ROBO2: variants seen among roughly 807,000 people sequenced by gnomAD.
The protein encoded by ROBO2 is roundabout guidance receptor 2, also known as roundabout homolog 2.
In ROBO2, 53 loss-of-function variants were observed where a neutral mutation model predicts 160.8. The observed-to-expected ratio is 0.33, with a 90% CI of 0.26 to 0.41. The LOEUF (loss-of-function observed/expected upper bound fraction) is 0.41. Ranked by LOEUF, ROBO2 falls within the 10% of genes least tolerant of loss-of-function variation. ROBO2 has a pLI of 1.00. For missense variants in ROBO2, 1,577 were observed against 1,722.4 expected (o/e 0.92, Z 1.49); for synonymous variants, 664 against 611.7 (o/e 1.09, Z -1.26).
intron 17 of ROBO2, 72 bp from the exon 19 acceptor site, chr3:77,595,070 G>A: frequency 8.2e-7 from 1 of 1,215,848 alleles, no homozygotes; most frequent in Non-Finnish European, 1.2e-6. Context: ...GGGCCAATAT[G>A]TAGTTGTTAT....
At chr3:77,329,072 C>G (rs2065730601) in intron 2 of ROBO2, among the ~76,000 whole-genome samples, 1 of 152,188 alleles carries the variant, frequency 6.6e-6, no homozygotes, top group Non-Finnish European at 1.5e-5. Context: ...TCCCTAAAAC[C>G]CACATGCTAA....
At chr3:76,444,870 A>G (rs926368132) in intron 2 of ROBO2, among the ~76,000 whole-genome samples, 5 of 152,150 alleles carry the variant, frequency 3.3e-5, no homozygotes, top group Admixed American at 3.3e-4. Context: ...TGTTATTAAA[A>G]ATTTTCCTAC....
chr3:76,751,739 G>A (rs1426814622), intron 2 of ROBO2, among the ~76,000 whole-genome samples: 4 of 152,134 alleles, frequency 2.6e-5, no homozygotes, highest in Admixed American at 6.6e-5. Flanking sequence ...AAACCACAAT[G>A]AGATACCATC....
intron 16 of ROBO2, among the ~76,000 whole-genome samples, chr3:77,584,945 TAC>T (rs1388088406): frequency 2.0e-5 from 3 of 148,950 alleles, no homozygotes; most frequent in African/African-American, 4.9e-5. Context: ...TATATATATA[TAC>T]ACACACACAT....
chr3:76,911,006 G>T, intron 2 of ROBO2, among the ~76,000 whole-genome samples: 1 of 152,100 alleles, frequency 6.6e-6, no homozygotes, highest in East Asian at 1.9e-4. Flanking sequence ...AATTTTAATA[G>T]TGTATGTGTT....
intron 2 of ROBO2, among the ~76,000 whole-genome samples, chr3:76,859,470 C>G (rs775089896): frequency 2.6e-5 from 4 of 152,156 alleles, no homozygotes; most frequent in Admixed American, 6.5e-5. Flanking sequence ...AATTGGCCCT[C>G]TGATGATTCT....
intron 2 of ROBO2, among the ~76,000 whole-genome samples, chr3:76,360,726 C>T (rs186515973): frequency 6.6e-6 from 1 of 152,022 alleles, no homozygotes; most frequent in African/African-American, 2.4e-5. Flanking sequence ...CGTTAGATGT[C>T]ATTCGGTGGG....
chr3:77,383,863 C>T (rs1443340982), intron 2 of ROBO2, among the ~76,000 whole-genome samples: 2 of 152,050 alleles, frequency 1.3e-5, no homozygotes, highest in Non-Finnish European at 2.9e-5. Flanking sequence ...CTTTAGTTTT[C>T]ATAAACTTGC....
At chr3:77,020,431 C>T (rs751427178) in intron 2 of ROBO2, among the ~76,000 whole-genome samples, 4 of 152,068 alleles carry the variant, frequency 2.6e-5, no homozygotes, top group African/African-American at 9.7e-5. Flanking sequence ...AATGTTCATG[C>T]TCTTTGAGTC....
chr3:76,797,230 T>C (rs1230215563), intron 2 of ROBO2, among the ~76,000 whole-genome samples: 1 of 152,088 alleles, frequency 6.6e-6, no homozygotes, highest in Admixed American at 6.6e-5. Context: ...CAGAAAAACA[T>C]GATATCATAT....
intron 2 of ROBO2, among the ~76,000 whole-genome samples, chr3:76,048,227 C>A (rs1040267154): frequency 6.6e-6 from 1 of 152,156 alleles, no homozygotes; most frequent in Non-Finnish European, 1.5e-5. Context: ...ATCTCTTAAC[C>A]TATATGCACA....
rs1560350241 is a variant in ROBO2, at chr3:77,252,834, ATATAT to A, written c.388+154495_388+154499del. Among the ~76,000 whole-genome samples the A allele has an allele frequency of 6.5e-3, 707 of 108,168 alleles. 16 individuals are homozygous for A. The highest frequency in any genetic ancestry group is 0.012 in the Non-Finnish European group (603 of 50,320). 71.0% of individuals were successfully genotyped at this position (108,168 alleles called of 152,430 possible). On this transcript the variant is annotated intron_variant, in intron 2 of 25. Coordinates refer to ENST00000461745, the Ensembl canonical transcript of ROBO2. ...AAAAAAAAAAAAAAAAAAAAAAAAT[ATATAT>A]ATATATATATATGAAAAATAAACAG...
chr3:77,330,129 A>T (rs778510598), intron 2 of ROBO2, among the ~76,000 whole-genome samples: 2 of 152,120 alleles, frequency 1.3e-5, no homozygotes, highest in Non-Finnish European at 2.9e-5. Context: ...ATTTGTCCTG[A>T]TTTGGTGTCC....
intron 2 of ROBO2, among the ~76,000 whole-genome samples, chr3:77,439,699 A>G (rs533843008): frequency 9.2e-5 from 14 of 152,258 alleles, no homozygotes; most frequent in African/African-American, 1.2e-4. Context: ...AAGAATGTCA[A>G]TCAACTTTGA....
At chr3:76,463,940 C>T (rs2078231818) in intron 2 of ROBO2, among the ~76,000 whole-genome samples, 1 of 152,044 alleles carries the variant, frequency 6.6e-6, no homozygotes, top group South Asian at 2.1e-4. Flanking sequence ...GTTTGTTAAT[C>T]CTTTAACAGT....
chr3:77,197,803 T>C (rs1166051248), intron 2 of ROBO2, among the ~76,000 whole-genome samples: 1 of 152,178 alleles, frequency 6.6e-6, no homozygotes, highest in Non-Finnish European at 1.5e-5. Context: ...TTATCTCAGG[T>C]TATCTGGGTG....
intron 2 of ROBO2, among the ~76,000 whole-genome samples, chr3:76,869,853 G>A (rs1030177276): frequency 5.9e-5 from 9 of 152,092 alleles, no homozygotes; most frequent in Non-Finnish European, 1.2e-4. Flanking sequence ...ATTTTGGAGC[G>A]TTGTTTCAGT....
chr3:76,625,083 A>G (rs1436625220), intron 2 of ROBO2, among the ~76,000 whole-genome samples: 4 of 152,048 alleles, frequency 2.6e-5, no homozygotes, highest in Non-Finnish European at 5.9e-5. Context: ...ATTTTTTTCT[A>G]GTAAAATAAC....
At chr3:76,421,918 T>C (rs901633295) in intron 2 of ROBO2, among the ~76,000 whole-genome samples, 4 of 152,198 alleles carry the variant, frequency 2.6e-5, no homozygotes, top group African/African-American at 9.6e-5. Flanking sequence ...ATGCTTTCTT[T>C]TTGTCTTCTC....
Sources: allele counts gnomAD v4.1 joint callset (sites outside exome capture counted in the v4.1 genomes callset), GRCh38; gene constraint gnomAD v4.1.1; transcripts MANE v1.5; gene names NCBI Gene and HGNC (gene_info 2026-07-23, HGNC 2026-07-21).